Variants in GALNT6 observed in about 807,000 individuals in gnomAD.
GALNT6 encodes the protein polypeptide N-acetylgalactosaminyltransferase 6.
A neutral mutation model predicts 65.9 loss-of-function variants in GALNT6; 51 were observed. The ratio of observed to expected loss-of-function variants is 0.77; its 90% CI spans 0.62 to 0.98. The LOEUF is 0.98. Ranked by LOEUF, GALNT6 falls within the 50% of genes least tolerant of loss-of-function variation. GALNT6 has a pLI of 0.00. For missense variants in GALNT6, 708 were observed against 803.3 expected (o/e 0.88, Z 1.43); for synonymous variants, 323 against 315.1 (o/e 1.02, Z -0.26).
chr12:51,378,011 A>G (rs556897529), intron 3 of GALNT6, among the ~76,000 whole-genome samples: 13 of 152,236 alleles, frequency 8.5e-5, no homozygotes, highest in African/African-American at 2.2e-4. Flanking sequence ...TTGGGGTGGG[A>G]ATGTGTGAAT....
At chr12:51,377,485 A>C in intron 3 of GALNT6, 118 bp from the exon 4 acceptor site, 2 of 785,580 alleles carry the variant, frequency 2.5e-6, no homozygotes, top group South Asian at 3.2e-5. Flanking sequence ...CACAGCCTAC[A>C]TTCTCTATAG....
chr12:51,379,706 G>A lies in GALNT6; in HGVS notation c.76C>T (p.Leu26Phe). ...CTGCTGCTCACATCCCTATGCAGGA[G>A]GAAGAGGAAGAGCACAAAGGCGCAG... ...VGCAFVLFLF[L>F]LHRDVSSREE... Residue 26 changes from leucine to phenylalanine, a missense_variant, in exon 3 of 12, where the codon CTC becomes TTC. Transcript: ENST00000356317. The A allele has an allele frequency of 6.2e-7, 1 of 1,614,008 alleles. No homozygotes were observed. Among genetic ancestry groups the A allele is most frequent in the African/African-American group, 1.3e-5 (1 of 75,064 alleles).
chr12:51,380,104 C>T (rs1347681353), intron 2 of GALNT6, among the ~76,000 whole-genome samples: 1 of 152,176 alleles, frequency 6.6e-6, no homozygotes, highest in African/African-American at 2.4e-5. Context: ...TCTAGAGTCA[C>T]TGGAACACTG....
At chr12:51,370,357 C>G (rs548491284) in intron 4 of GALNT6, among the ~76,000 whole-genome samples, 1 of 152,050 alleles carries the variant, frequency 6.6e-6, no homozygotes, top group Non-Finnish European at 1.5e-5. Context: ...CCAGCCTGAC[C>G]AACACGGAGA....
At chr12:51,367,594 G>A (rs1267006531) in intron 4 of GALNT6, among the ~76,000 whole-genome samples, 1 of 152,218 alleles carries the variant, frequency 6.6e-6, no homozygotes, top group Non-Finnish European at 1.5e-5. Context: ...TCAGATGTGG[G>A]GGACAGATGT....
chr12:51,361,994 C>T (rs533740627), intron 6 of GALNT6, among the ~76,000 whole-genome samples: 38 of 152,308 alleles, frequency 2.5e-4, no homozygotes, highest in African/African-American at 8.7e-4. Context: ...CCTGTGGTTG[C>T]TCTTGTCTAC....
chr12:51,354,432 C>T lies in GALNT6; in HGVS notation c.1816G>A (p.Ala606Thr). 6.3e-7 allele frequency: 1 copy of T among 1,592,654 alleles called. No individual in the cohort carries two copies. The highest frequency in any genetic ancestry group is 8.5e-7 in the Non-Finnish European group (1 of 1,171,884). ...TCACTGGGATTGCAGGGGGCCATGGCTGGCTTTTTGTCCTGGGATGTCAGG... is the reference window on the plus strand; with the variant it reads ...TCACTGGGATTGCAGGGGGCCATGGTTGGCTTTTTGTCCTGGGATGTCAGG... ...TCLTSQDKKP[A>T]MAPCNPSDPH... Residue 606 changes from alanine (A) to threonine (T), a missense_variant, in exon 12 of 12, where the codon GCC (alanine) becomes ACC (threonine). Transcript: ENST00000356317.
At chr12:51,391,417 C>T (rs917127278), upstream of GALNT6, 3 of 154,102 alleles carry the variant, frequency 1.9e-5, no homozygotes, top group Non-Finnish European at 2.9e-5. Flanking sequence ...ACCAGCCTGG[C>T]CCAGCCCCTT....
intron 4 of GALNT6, among the ~76,000 whole-genome samples, chr12:51,366,949 G>A (rs1352617732): frequency 2.0e-5 from 3 of 152,242 alleles, no homozygotes; most frequent in South Asian, 4.2e-4. Context: ...CCAACATGGT[G>A]AGACCCTGCC....
chr12:51,379,261 C>T (rs1358632134), intron 3 of GALNT6, 30 bp downstream of exon 3: 6 of 1,513,598 alleles, frequency 4.0e-6, no homozygotes, highest in Non-Finnish European at 5.3e-6. Flanking sequence ...AAGCCCTGGT[C>T]TCCCCACAAG....
chr12:51,356,040 A>G, intron 10 of GALNT6, 82 bp from the exon 11 acceptor site: 2 of 1,307,288 alleles, frequency 1.5e-6, no homozygotes, highest in Non-Finnish European at 2.2e-6. Context: ...TCTACCATGC[A>G]TGGTCTCCTG....
At chr12:51,380,796 G>GA (rs1376988046) in intron 2 of GALNT6, among the ~76,000 whole-genome samples, 6 of 152,058 alleles carry the variant, frequency 3.9e-5, no homozygotes, top group South Asian at 2.1e-4. Flanking sequence ...GTCTCCCCAC[G>GA]AAAAAAAGAA....
At chr12:51,389,368 C>G (rs973851239) in intron 2 of GALNT6, among the ~76,000 whole-genome samples, 3 of 152,212 alleles carry the variant, frequency 2.0e-5, no homozygotes, top group African/African-American at 7.2e-5. Flanking sequence ...CTGTTTTACA[C>G]AGAAGGAAAC....
intron 11 of GALNT6, 86 bp from the exon 12 acceptor site, chr12:51,354,578 CA>C: frequency 2.5e-6 from 2 of 791,224 alleles, no homozygotes; most frequent in South Asian, 3.6e-5. Flanking sequence ...GTGCAATTGA[CA>C]AAAGCCAAGG....
chr12:51,391,244 G>T (rs935131810), intron 1 of GALNT6, 43 bp downstream of exon 1: 2 of 153,088 alleles, frequency 1.3e-5, no homozygotes, highest in African/African-American at 4.8e-5. Context: ...TGGGTGAGGG[G>T]AAGAGGGTGT....
intron 11 of GALNT6, 73 bp downstream of exon 11, chr12:51,355,733 C>A: frequency 6.9e-7 from 1 of 1,456,822 alleles, no homozygotes; most frequent in Non-Finnish European, 9.5e-7. Flanking sequence ...TCTCAAAGTG[C>A]TGGGATTACA....
At chr12:51,367,304 G>A (rs955834841) in intron 4 of GALNT6, among the ~76,000 whole-genome samples, 1 of 151,896 alleles carries the variant, frequency 6.6e-6, no homozygotes, top group Non-Finnish European at 1.5e-5. Context: ...GTGTGGTGGC[G>A]CACACCTGTA....
At chr12:51,361,807 G>T (rs554934768) in intron 6 of GALNT6, among the ~76,000 whole-genome samples, 1 of 152,100 alleles carries the variant, frequency 6.6e-6, no homozygotes, top group East Asian at 1.9e-4. Context: ...AGCCTGGCAT[G>T]GCTAGGGCTT....
intron 2 of GALNT6, among the ~76,000 whole-genome samples, chr12:51,385,083 G>A (rs1040133340): frequency 6.6e-6 from 1 of 151,914 alleles, no homozygotes; most frequent in Admixed American, 6.6e-5. Context: ...TGACCTCCTG[G>A]GCTCAAAGGA....
Sources: allele counts gnomAD v4.1 joint callset (sites outside exome capture counted in the v4.1 genomes callset), GRCh38; gene constraint gnomAD v4.1.1; transcripts MANE v1.5; gene names NCBI Gene and HGNC (gene_info 2026-07-23, HGNC 2026-07-21).